The following PRSS12 variants were observed in gnomAD, a reference collection of about 807,000 sequenced individuals.
PRSS12 encodes the protein neurotrypsin.
In PRSS12, 85 loss-of-function variants were observed where a neutral mutation model predicts 104.4. The ratio of observed to expected loss-of-function variants is 0.81; its 90% CI spans 0.68 to 0.98. PRSS12 has a LOEUF of 0.98. Ranked by LOEUF, PRSS12 falls within the 50% of genes least tolerant of loss-of-function variation. The pLI is 0.00. For synonymous variants in PRSS12, 454 were observed against 425.2 expected, an observed-to-expected ratio of 1.07 and a Z score of -0.83; for missense variants, 1,141 against 1,139.2, an observed-to-expected ratio of 1.00 and a Z score of -0.02.
chr4:118,331,852 T>C lies in PRSS12; in HGVS notation c.835A>G (p.Ile279Val). The change falls in exon 4 of 13, where the codon ATC becomes GTC. Residue 279 changes from isoleucine (I) to valine (V), a missense_variant. Physicochemically the swap from Ile to Val is conservative, Grantham distance 29. Transcript: ENST00000296498. ...CTGCTGCCTCCAGCAAGGCGAATGATGGGGAACGTTGGGCCTGTGCAATGT... is the reference window on the plus strand; with the variant it reads ...CTGCTGCCTCCAGCAAGGCGAATGACGGGGAACGTTGGGCCTGTGCAATGT... The part of the protein sequence containing the change: ...CSFSHGPTFP[I>V]IRLAGGSSVH... 6.2e-7 allele frequency: 1 copy of C among 1,614,072 alleles called. No homozygotes were observed.
intron 11 of PRSS12, among the ~76,000 whole-genome samples, chr4:118,286,495 A>T (rs1346373597): frequency 6.6e-6 from 1 of 152,196 alleles, no homozygotes; most frequent in African/African-American, 2.4e-5. Context: ...AAAGCTAGCC[A>T]ATCCTTTTGA....
At chr4:118,311,007 C>A (rs898805928) in intron 7 of PRSS12, among the ~76,000 whole-genome samples, 1 of 151,884 alleles carries the variant, frequency 6.6e-6, no homozygotes, top group East Asian at 1.9e-4. Flanking sequence ...GCCGAGATTG[C>A]GCCACTGCAC....
intron 1 of PRSS12, among the ~76,000 whole-genome samples, chr4:118,338,663 A>C (rs1724122257): frequency 6.6e-6 from 1 of 152,152 alleles, no homozygotes; most frequent in South Asian, 2.1e-4. Flanking sequence ...CTAATATCAG[A>C]TCTTGTATCT....
At position 118,313,239 on chromosome 4, in the gene PRSS12, G is replaced by A. The variant is rs369185409; in HGVS notation, c.1451C>T (p.Ala484Val). The A allele has an allele frequency of 1.2e-5, 19 of 1,613,982 alleles. No individual in the cohort carries two copies. The highest frequency in any genetic ancestry group is 1.5e-5 in the Non-Finnish European group (18 of 1,179,988). ...DCSHREDVSI[A>V]CYPGGEGHRL... is the part of the protein sequence containing the mutation. Reference sequence around the variant, plus strand: ...GTGTCCCTCGCCGCCAGGGTAGCAGGCAATGCTAACATCTTCGCGGTGGCT... The same window carrying A: ...GTGTCCCTCGCCGCCAGGGTAGCAGACAATGCTAACATCTTCGCGGTGGCT... Residue 484 changes from alanine (A) to valine (V), a missense_variant, in exon 7 of 13, where the codon GCC (alanine) becomes GTC (valine). Transcript: ENST00000296498.
chr4:118,323,971 G>A (rs921618303), intron 4 of PRSS12, among the ~76,000 whole-genome samples: 12 of 151,830 alleles, frequency 7.9e-5, no homozygotes, highest in African/African-American at 2.7e-4. Context: ...ACAATCTTGG[G>A]TCACTGCAAA....
intron 5 of PRSS12, 116 bp downstream of exon 5, chr4:118,318,262 G>T: frequency 5.2e-6 from 5 of 959,080 alleles, no homozygotes; most frequent in South Asian, 1.6e-5. Context: ...GTTTTATTTG[G>T]TGTATTTATT....
chr4:118,352,780 A>G lies in PRSS12; in HGVS notation c.-60T>C, dbSNP rs1724559047. On this transcript the variant is annotated 5_prime_UTR_variant, in exon 1 of 13. Coordinates refer to ENST00000296498, the MANE Select transcript of PRSS12 (RefSeq NM_003619.4). ...CAGCTTCTCGGGCTTGGAGCGGAGA[A>G]GAGGAGGGGGCGGGGGCGGGGCTGC... The G allele has an allele frequency of 2.0e-6, 3 of 1,488,936 alleles. No individual in the cohort carries two copies. In the South Asian group the frequency reaches 3.4e-5, roughly 17 times the overall value. The allele number at this position is 1,488,936 out of a possible 1,614,324, so 92.2% of individuals were successfully genotyped here.
rs558433873 is a variant in PRSS12 at position 118,282,978 on chromosome 4, A to C, written c.2173T>G (p.Tyr725Asp). ...TGTAATCTAACCAGGGCTATGTCAT[A>C]ATCACTGCGGTCGGGTCGATACTCC... ...HREYRPDRSD[Y>D]DIALVRLQGP... Residue 725 changes from tyrosine (Y) to aspartate (D), a missense_variant, in exon 12 of 13, where the codon TAT becomes GAT. Physicochemically the swap from Tyr to Asp is radical, Grantham distance 160. Transcript: ENST00000296498. 9.3e-6 allele frequency: 15 copies of C among 1,614,046 alleles called. No homozygotes were observed. In the African/African-American group the frequency reaches 2.0e-4, roughly 22 times the overall value.
intron 1 of PRSS12, among the ~76,000 whole-genome samples, chr4:118,350,736 T>TGAAA (rs10643396): frequency 0.83 from 125,564 of 151,710 alleles, 54,304 homozygotes; most frequent in Non-Finnish European, 0.95. Context: ...AACATAAGGC[T>TGAAA]GAGTTATGTC....
chr4:118,349,577 A>C (rs1329229536), intron 1 of PRSS12, among the ~76,000 whole-genome samples: 3 of 152,216 alleles, frequency 2.0e-5, no homozygotes, highest in African/African-American at 7.2e-5. Context: ...TATGTAAGTA[A>C]AGAAATACAG....
At chr4:118,307,625 T>C (rs1039025951) in intron 8 of PRSS12, among the ~76,000 whole-genome samples, 2 of 152,136 alleles carry the variant, frequency 1.3e-5, no homozygotes, top group Non-Finnish European at 2.9e-5. Context: ...GCCAGTAAAA[T>C]TTTAAATTAC....
intron 1 of PRSS12, among the ~76,000 whole-genome samples, chr4:118,351,492 A>T (rs1010687854): frequency 9.2e-5 from 14 of 152,204 alleles, no homozygotes; most frequent in Non-Finnish European, 1.9e-4. Flanking sequence ...TTATCTCCTG[A>T]TGTTACCAAC....
intron 3 of PRSS12, among the ~76,000 whole-genome samples, 170 bp from the exon 4 acceptor site, chr4:118,332,036 C>A (rs912823780): frequency 6.6e-6 from 1 of 151,922 alleles, no homozygotes; most frequent in Non-Finnish European, 1.5e-5. Flanking sequence ...GTAATCTTGG[C>A]CAATTAAAAT....
chr4:118,316,452 A>G, intron 5 of PRSS12, 129 bp from the exon 6 acceptor site: 1 of 1,140,070 alleles, frequency 8.8e-7, no homozygotes, highest in Non-Finnish European at 1.3e-6. Flanking sequence ...AACTTACATT[A>G]CATCTGTGCT....
chr4:118,351,628 T>C (rs1351097611), intron 1 of PRSS12, among the ~76,000 whole-genome samples: 1 of 152,168 alleles, frequency 6.6e-6, no homozygotes, highest in Non-Finnish European at 1.5e-5. Flanking sequence ...TTCCAGTCAC[T>C]GATGATACTT....
In PRSS12 at chr4:118,281,917, T is replaced by G. The variant is rs751109607; in HGVS notation, c.*19A>C. On this transcript the variant is annotated 3_prime_UTR_variant, in exon 13 of 13. Coordinates refer to ENST00000296498, the MANE Select transcript of PRSS12 (RefSeq NM_003619.4). Reference sequence around the variant, plus strand: ...GTTTTCCATTTGTTTAAATGCTGCTTTGAAGTTTCCATGAAGAATTACAGT... The same window carrying G: ...GTTTTCCATTTGTTTAAATGCTGCTGTGAAGTTTCCATGAAGAATTACAGT... The G allele has an allele frequency of 1.1e-5, 12 of 1,078,722 alleles. No individual in the cohort carries two copies. Among genetic ancestry groups the G allele is most frequent in the Non-Finnish European group, 1.7e-5 (12 of 690,568 alleles). The allele number at this position is 1,078,722 out of a possible 1,614,324, so 66.8% of individuals were successfully genotyped here. A position where few individuals can be genotyped will look rare whatever the true frequency, so the allele number is the denominator to read the frequency against.
chr4:118,348,457 G>C (rs981855248), intron 1 of PRSS12, among the ~76,000 whole-genome samples: 1 of 152,190 alleles, frequency 6.6e-6, no homozygotes, highest in African/African-American at 2.4e-5. Context: ...GACTGTGACA[G>C]AGTTTTCAGC....
intron 4 of PRSS12, among the ~76,000 whole-genome samples, 155 bp from the exon 5 acceptor site, chr4:118,318,711 T>C (rs1339587966): frequency 1.3e-5 from 2 of 152,194 alleles, no homozygotes; most frequent in Admixed American, 1.3e-4. Context: ...TTTTTGTATA[T>C]TTGTTTGTTG....
intron 9 of PRSS12, among the ~76,000 whole-genome samples, chr4:118,298,522 C>T (rs543128180): frequency 1.3e-5 from 2 of 152,262 alleles, no homozygotes; most frequent in African/African-American, 2.4e-5. Context: ...TACAAGGCCC[C>T]GTAAATTCAT....
Sources: gnomAD v4.1 joint callset for allele counts (sites outside exome capture counted in the v4.1 genomes callset) on GRCh38, gnomAD v4.1.1 for gene constraint, MANE v1.5 for transcripts, NCBI Gene and HGNC (gene_info 2026-07-23, HGNC 2026-07-21) for gene names.